Variants in PCDH15 observed in about 807,000 individuals in gnomAD.
The protein encoded by PCDH15 is protocadherin related 15.
Under a neutral mutation model 178.5 loss-of-function variants are expected in PCDH15, and 129 were observed. The ratio of observed to expected loss-of-function variants is 0.72; its 90% CI spans 0.63 to 0.84. The LOEUF (loss-of-function observed/expected upper bound fraction) is 0.84, where lower values mean the gene tolerates loss of function less well. PCDH15 is among the 40% of genes least tolerant of loss of function. PCDH15 has a pLI of 0.00. For synonymous variants in PCDH15, 800 were observed against 732.0 expected, an observed-to-expected ratio of 1.09 and a Z score of -1.50; for missense variants, 2,230 against 2,099.9, an observed-to-expected ratio of 1.06 and a Z score of -1.21.
intron 2 of PCDH15, among the ~76,000 whole-genome samples, chr10:54,574,470 G>C (rs2090230830): frequency 6.6e-6 from 1 of 152,188 alleles, no homozygotes; most frequent in Non-Finnish European, 1.5e-5. Flanking sequence ...GATGCCTCCA[G>C]CTTTGTTCTT....
At chr10:54,318,550 T>C (rs531704672) in intron 7 of PCDH15, among the ~76,000 whole-genome samples, 1 of 152,344 alleles carries the variant, frequency 6.6e-6, no homozygotes, top group East Asian at 1.9e-4. Flanking sequence ...CCTTAGTTTT[T>C]ACTTAATGTC....
intron 8 of PCDH15, among the ~76,000 whole-genome samples, chr10:54,288,884 C>T (rs2059207326): frequency 6.6e-6 from 1 of 152,350 alleles, no homozygotes; most frequent in Non-Finnish European, 1.5e-5. Context: ...GCAGAGCCCA[C>T]CACAGCTCAG....
intron 1 of PCDH15, among the ~76,000 whole-genome samples, chr10:55,214,097 T>C (rs1461099272): frequency 1.3e-5 from 2 of 151,978 alleles, no homozygotes; most frequent in Admixed American, 6.6e-5. Context: ...CTTAAGTGCA[T>C]TGTGTTCAAA....
chr10:54,560,786 G>GTTAA (rs1590116952), intron 2 of PCDH15, among the ~76,000 whole-genome samples: 1 of 151,922 alleles, frequency 6.6e-6, no homozygotes, highest in East Asian at 1.9e-4. Flanking sequence ...TTAAATGTTA[G>GTTAA]GATATAATGA....
At chr10:54,391,365 G>A (rs1950527240) in intron 3 of PCDH15, among the ~76,000 whole-genome samples, 1 of 115,684 alleles carries the variant, frequency 8.6e-6, no homozygotes, top group East Asian at 3.0e-4. Context: ...TCCAATCCAA[G>A]AATCTCATTT....
intron 1 of PCDH15, among the ~76,000 whole-genome samples, chr10:55,270,996 T>C (rs1842430193): frequency 6.6e-6 from 1 of 152,112 alleles, no homozygotes; most frequent in South Asian, 2.1e-4. Flanking sequence ...GTGATATGGA[T>C]GGCTCTGGAG....
chr10:55,210,826 A>C (rs1840550598), intron 1 of PCDH15, among the ~76,000 whole-genome samples: 1 of 150,922 alleles, frequency 6.6e-6, no homozygotes, highest in South Asian at 2.1e-4. Flanking sequence ...ATGGGATTTC[A>C]CCATGTTGGC....
At chr10:54,398,548 G>A (rs1336777239) in intron 3 of PCDH15, among the ~76,000 whole-genome samples, 2 of 151,910 alleles carry the variant, frequency 1.3e-5, no homozygotes, top group Non-Finnish European at 2.9e-5. Context: ...TTTAGAAAAG[G>A]TCAAGACCAC....
intron 1 of PCDH15, among the ~76,000 whole-genome samples, chr10:55,184,302 T>G (rs1839736339): frequency 6.6e-6 from 1 of 152,000 alleles, no homozygotes; most frequent in African/African-American, 2.4e-5. Context: ...TCATCCGTAC[T>G]GCCATAGAGA....
intron 2 of PCDH15, among the ~76,000 whole-genome samples, chr10:54,911,584 T>C (rs1440752047): frequency 4.6e-5 from 7 of 152,230 alleles, no homozygotes. Flanking sequence ...GATTTTGCTC[T>C]GTTAGGCATT....
At chr10:55,343,714 T>C (rs1844666040) in intron 2 of PCDH15, among the ~76,000 whole-genome samples, 1 of 152,128 alleles carries the variant, frequency 6.6e-6, no homozygotes, top group Admixed American at 6.6e-5. Flanking sequence ...TCTGATCAAT[T>C]GGTATTAGCT....
chr10:54,906,675 G>C (rs1287020672), intron 2 of PCDH15, among the ~76,000 whole-genome samples: 1 of 152,204 alleles, frequency 6.6e-6, no homozygotes, highest in East Asian at 1.9e-4. Context: ...AGGAGAGAGA[G>C]TGCCCAACAT....
At chr10:53,995,092 G>C (rs1291208315) in intron 21 of PCDH15, 1 of 153,780 alleles carries the variant, frequency 6.5e-6, no homozygotes, top group African/African-American at 2.4e-5. Flanking sequence ...ATTATACATG[G>C]TATTTTATCA....
chr10:55,472,669 C>T (rs756293329), intron 2 of PCDH15, among the ~76,000 whole-genome samples: 16 of 152,104 alleles, frequency 1.1e-4, no homozygotes, highest in African/African-American at 3.6e-4. Context: ...ACCGGGTTCA[C>T]GCCATTCTCC....
At chr10:54,718,674 C>G (rs1484245531) in intron 1 of PCDH15, among the ~76,000 whole-genome samples, 1 of 146,522 alleles carries the variant, frequency 6.8e-6, no homozygotes. Context: ...TTCGAAAGAT[C>G]ACACTGATTC....
chr10:54,926,326 A>C (rs1280888394), intron 2 of PCDH15, among the ~76,000 whole-genome samples: 1 of 151,922 alleles, frequency 6.6e-6, no homozygotes, highest in Non-Finnish European at 1.5e-5. Context: ...AAGCTTTTTG[A>C]TGTGCTGCTG....
chr10:55,623,021 G>A (rs984312951), intron 2 of PCDH15, among the ~76,000 whole-genome samples: 10 of 152,054 alleles, frequency 6.6e-5, no homozygotes, highest in Middle Eastern at 3.2e-3. Context: ...CCTGGATTCC[G>A]CCTCCTGTTT....
chr10:54,506,277 T>C lies in PCDH15; in HGVS notation c.157+21535A>G, dbSNP rs572757399. On this transcript the variant is annotated intron_variant, in intron 3 of 37. Transcript: ENST00000644397. ...CCAAATAAAGCATATTGGAAATATG[T>C]ATACTTGCTTAAAAATCGTTTCTAT... Among the ~76,000 whole-genome samples the C allele has an allele frequency of 3.3e-5, 5 of 152,160 alleles. No individual in the cohort carries two copies. In the South Asian group the frequency reaches 8.3e-4, roughly 25 times the overall value.
intron 3 of PCDH15, among the ~76,000 whole-genome samples, chr10:54,522,087 C>CAAAAA (rs11313978): frequency 1.4e-4 from 8 of 58,854 alleles, no homozygotes; most frequent in African/African-American, 2.5e-4. Context: ...GAATCCATCT[C>CAAAAA]AAAAAAAAAA....
Sources: gnomAD v4.1 joint callset for allele counts (sites outside exome capture counted in the v4.1 genomes callset) on GRCh38, gnomAD v4.1.1 for gene constraint, MANE v1.5 for transcripts, NCBI Gene and HGNC (gene_info 2026-07-23, HGNC 2026-07-21) for gene names.